The following SLC25A28 variants were observed in gnomAD, a reference collection of about 807,000 sequenced individuals.
SLC25A28 encodes the protein mitoferrin-2.
A neutral mutation model predicts 31.9 loss-of-function variants in SLC25A28; 10 were observed. That is an observed-to-expected ratio of 0.31 (90% CI 0.19 to 0.53). SLC25A28 has a LOEUF of 0.53. SLC25A28 is among the 20% of genes least tolerant of loss of function. The probability of loss-of-function intolerance (pLI) is 0.95; values close to 1 mark genes in which losing one functional copy is unlikely to be tolerated. For missense variants in SLC25A28, 256 were observed against 490.3 expected (o/e 0.52, Z 4.51); for synonymous variants, 208 against 203.6 (o/e 1.02, Z -0.19).
At chr10:99,621,177 G>A (rs2034786174), upstream of SLC25A28, 1 of 179,052 alleles carries the variant, frequency 5.6e-6, no homozygotes, top group Non-Finnish European at 1.1e-5. Flanking sequence ...CTAGACTCTG[G>A]TCGGGTCTGG....
At chr10:99,635,978 ACTAATAGAC>A in the SLC25A28 span, among the ~76,000 whole-genome samples, 1 of 152,218 alleles carries the variant, frequency 6.6e-6, no homozygotes, top group South Asian at 2.1e-4. Context: ...TAAAGCGATT[ACTAATAGAC>A]CTAATAAATG....
At chr10:99,620,525 T>G, upstream of SLC25A28, 3 of 1,033,970 alleles carry the variant, frequency 2.9e-6, no homozygotes, top group Non-Finnish European at 3.5e-6. Context: ...ACCCCTTTCC[T>G]TACGTACGAA....
the SLC25A28 span, among the ~76,000 whole-genome samples, chr10:99,628,027 A>G: frequency 4.6e-5 from 7 of 152,236 alleles, no homozygotes; most frequent in South Asian, 4.1e-4. Context: ...TCTGACTATT[A>G]TCAAAGAATA....
At chr10:99,618,509 G>GTCAT (rs1402161987) in intron 1 of SLC25A28, 1 of 985,240 alleles carries the variant, frequency 1.0e-6, no homozygotes, top group Non-Finnish European at 1.2e-6. Context: ...TAACTCACAA[G>GTCAT]TCATTCAACC....
At chr10:99,633,981 G>A in the SLC25A28 span, among the ~76,000 whole-genome samples, 2 of 152,220 alleles carry the variant, frequency 1.3e-5, no homozygotes, top group African/African-American at 4.8e-5. Flanking sequence ...ACAGGACTCT[G>A]TGATAACTCC....
intron 1 of SLC25A28, among the ~76,000 whole-genome samples, chr10:99,614,862 T>C (rs1339381201): frequency 6.6e-6 from 1 of 152,148 alleles, no homozygotes; most frequent in African/African-American, 2.4e-5. Context: ...TAATATAAAA[T>C]CAATGTCTAA....
chr10:99,638,192 G>T, the SLC25A28 span, among the ~76,000 whole-genome samples: 2 of 152,142 alleles, frequency 1.3e-5, no homozygotes, highest in African/African-American at 4.8e-5. Context: ...ACATAAAGTG[G>T]GGGAAATGAT....
intron 1 of SLC25A28, chr10:99,616,885 GAATA>G (rs2034668438): frequency 1.1e-6 from 1 of 933,302 alleles, no homozygotes; most frequent in Non-Finnish European, 1.3e-6. Flanking sequence ...CAGATTAAAT[GAATA>G]AATGTATGTA....
chr10:99,616,662 G>C (rs1367409588), intron 1 of SLC25A28: 4 of 985,126 alleles, frequency 4.1e-6, no homozygotes, highest in Non-Finnish European at 4.8e-6. Flanking sequence ...ATATGTTCAG[G>C]GACAAGCTTT....
At chr10:99,621,029 G>A, upstream of SLC25A28, 1 of 967,726 alleles carries the variant, frequency 1.0e-6, no homozygotes, top group Non-Finnish European at 1.2e-6. Flanking sequence ...TGTTCCCGCG[G>A]GATCTCGTCG....
At chr10:99,639,348 G>GGGGGCGA in the SLC25A28 span, among the ~76,000 whole-genome samples, 1 of 151,708 alleles carries the variant, frequency 6.6e-6, no homozygotes, top group African/African-American at 2.4e-5. Flanking sequence ...AGGGTGGGAG[G>GGGGGCGA]GGGGCGAGGG....
At chr10:99,638,742 C>A in the SLC25A28 span, among the ~76,000 whole-genome samples, 8 of 152,106 alleles carry the variant, frequency 5.3e-5, no homozygotes, top group Non-Finnish European at 1.0e-4. Flanking sequence ...TGTGATACCA[C>A]CTTACTCCTG....
the SLC25A28 span, among the ~76,000 whole-genome samples, chr10:99,629,082 A>G: frequency 3.3e-5 from 5 of 152,128 alleles, no homozygotes; most frequent in Non-Finnish European, 5.9e-5. Flanking sequence ...ATGAAATTTG[A>G]TCTCCAGTGT....
chr10:99,612,650 C>T (rs924155495), intron 2 of SLC25A28, 51 bp from the exon 3 acceptor site: 6 of 1,607,096 alleles, frequency 3.7e-6, no homozygotes, highest in South Asian at 3.3e-5. Flanking sequence ...AGCTGACCAA[C>T]TCATTGAGGT....
chr10:99,616,243 A>G, intron 1 of SLC25A28: 1 of 968,504 alleles, frequency 1.0e-6, no homozygotes, highest in Non-Finnish European at 1.2e-6. Flanking sequence ...TGAGTCAAAA[A>G]GCCTGAGTCT....
At chr10:99,655,001 CT>C in the SLC25A28 span, among the ~76,000 whole-genome samples, 849 of 152,296 alleles carry the variant, frequency 5.6e-3, 4 homozygotes, top group Non-Finnish European at 9.1e-3. Flanking sequence ...AGAACTCAGC[CT>C]TATGAGCTGT....
the SLC25A28 span, among the ~76,000 whole-genome samples, chr10:99,626,883 T>C: frequency 9.9e-5 from 15 of 152,262 alleles, no homozygotes; most frequent in East Asian, 2.3e-3. Flanking sequence ...GATTCCTTAT[T>C]CCACTTTTGT....
At chr10:99,654,621 A>C in the SLC25A28 span, among the ~76,000 whole-genome samples, 1 of 151,632 alleles carries the variant, frequency 6.6e-6, no homozygotes, top group Non-Finnish European at 1.5e-5. Flanking sequence ...GCACCACCAC[A>C]CTCCAGCCTG....
chr10:99,631,891 A>ATT, the SLC25A28 span, among the ~76,000 whole-genome samples: 5 of 122,282 alleles, frequency 4.1e-5, no homozygotes, highest in South Asian at 7.6e-4. Flanking sequence ...TTTTTTTTTT[A>ATT]TTTTTTTTTT....
Sources: allele counts gnomAD v4.1 joint callset (sites outside exome capture counted in the v4.1 genomes callset), GRCh38; gene constraint gnomAD v4.1.1; transcripts MANE v1.5; gene names NCBI Gene and HGNC (gene_info 2026-07-23, HGNC 2026-07-21).